Variants in MAPKAP1 observed in about 807,000 individuals in gnomAD.
MAPKAP1 encodes target of rapamycin complex 2 subunit MAPKAP1.
In MAPKAP1, 20 loss-of-function variants were observed where a neutral mutation model predicts 65.7. The ratio of observed to expected loss-of-function variants is 0.30; its 90% CI spans 0.21 to 0.44. MAPKAP1 has a LOEUF of 0.44. Ranked by LOEUF, MAPKAP1 falls within the 20% of genes least tolerant of loss-of-function variation. The pLI is 1.00. For synonymous variants in MAPKAP1, 222 were observed against 244.3 expected, an observed-to-expected ratio of 0.91 and a Z score of 0.85; for missense variants, 423 against 648.0, an observed-to-expected ratio of 0.65 and a Z score of 3.77.
chr9:125,679,573 G>A (rs908626115), intron 1 of MAPKAP1, among the ~76,000 whole-genome samples: 2 of 152,048 alleles, frequency 1.3e-5, no homozygotes, highest in South Asian at 2.1e-4. Flanking sequence ...CACAGAGGAA[G>A]GGTTTACTTT....
chr9:125,672,668 ATAT>A (rs1354989809), intron 1 of MAPKAP1, 25 bp from the exon 2 acceptor site: 6 of 1,375,996 alleles, frequency 4.4e-6, no homozygotes, highest in Non-Finnish European at 6.0e-6. Flanking sequence ...TACACAGCAA[ATAT>A]TTAAGAATAA....
chr9:125,514,758 A>G (rs1173531335), intron 7 of MAPKAP1, among the ~76,000 whole-genome samples: 1 of 152,172 alleles, frequency 6.6e-6, no homozygotes, highest in East Asian at 1.9e-4. Flanking sequence ...TTCTGGTGGC[A>G]CTGCTGACAA....
intron 1 of MAPKAP1, among the ~76,000 whole-genome samples, chr9:125,699,643 T>A (rs2131877429): frequency 6.6e-6 from 1 of 152,114 alleles, no homozygotes. Flanking sequence ...TTTGATTTTT[T>A]TTTTTTTTTG....
intron 3 of MAPKAP1, among the ~76,000 whole-genome samples, chr9:125,669,571 C>T (rs1834439413): frequency 6.6e-6 from 1 of 152,036 alleles, no homozygotes; most frequent in African/African-American, 2.4e-5. Flanking sequence ...GACATGACAG[C>T]TTGTAAAAAA....
chr9:125,677,925 T>C (rs1308972638), intron 1 of MAPKAP1, among the ~76,000 whole-genome samples: 1 of 152,134 alleles, frequency 6.6e-6, no homozygotes, highest in Non-Finnish European at 1.5e-5. Flanking sequence ...ACAATTTTTT[T>C]TTTCTTTTTG....
At chr9:125,442,503 C>G (rs920665551) in intron 11 of MAPKAP1, among the ~76,000 whole-genome samples, 3 of 149,454 alleles carry the variant, frequency 2.0e-5, no homozygotes, top group African/African-American at 7.5e-5. Context: ...TACTAGAATC[C>G]TTCTCAAGTC....
chr9:125,649,260 T>TA (rs977632549), intron 4 of MAPKAP1, among the ~76,000 whole-genome samples: 50 of 152,322 alleles, frequency 3.3e-4, no homozygotes, highest in African/African-American at 1.2e-3. Context: ...TCTAACCTGG[T>TA]AATTAGTCAG....
At chr9:125,613,839 C>G (rs988549990) in intron 4 of MAPKAP1, among the ~76,000 whole-genome samples, 6 of 151,804 alleles carry the variant, frequency 4.0e-5, no homozygotes, top group African/African-American at 1.5e-4. Context: ...GCTCTGTCAC[C>G]CAAGCTGGAG....
At chr9:125,615,922 A>G (rs903948716) in intron 4 of MAPKAP1, among the ~76,000 whole-genome samples, 5 of 152,134 alleles carry the variant, frequency 3.3e-5, no homozygotes, top group African/African-American at 1.2e-4. Flanking sequence ...TCAGAAAAAA[A>G]AAAAAAAGAA....
chr9:125,646,343 C>T (rs1468537850), intron 4 of MAPKAP1, among the ~76,000 whole-genome samples: 1 of 151,960 alleles, frequency 6.6e-6, no homozygotes, highest in Non-Finnish European at 1.5e-5. Flanking sequence ...AAACAAAAAA[C>T]TAATACAATG....
chr9:125,685,068 G>A (rs1271585163), intron 1 of MAPKAP1, among the ~76,000 whole-genome samples: 1 of 152,032 alleles, frequency 6.6e-6, no homozygotes. Flanking sequence ...CTAAGTGTTT[G>A]TTGATTTTAC....
chr9:125,616,278 G>A (rs376365770), intron 4 of MAPKAP1, among the ~76,000 whole-genome samples: 1 of 152,098 alleles, frequency 6.6e-6, no homozygotes. Flanking sequence ...AATACAATTT[G>A]GGAAAATAAC....
At chr9:125,695,976 CCT>C (rs1342335643) in intron 1 of MAPKAP1, among the ~76,000 whole-genome samples, 1 of 152,074 alleles carries the variant, frequency 6.6e-6, no homozygotes, top group African/African-American at 2.4e-5. Flanking sequence ...GATCCACCTG[CCT>C]CAGCCTCCCA....
chr9:125,561,725 A>G (rs924952502), intron 5 of MAPKAP1, among the ~76,000 whole-genome samples: 10 of 152,198 alleles, frequency 6.6e-5, no homozygotes, highest in African/African-American at 1.2e-4. Flanking sequence ...TTCCACTTCT[A>G]TAAAAAGGGT....
chr9:125,596,359 ATGG>A, intron 4 of MAPKAP1: 1 of 787,350 alleles, frequency 1.3e-6, no homozygotes, highest in Non-Finnish European at 2.3e-6. Flanking sequence ...GGTGGCAACC[ATGG>A]TGGTGGTGGA....
At position 125,543,082 on chromosome 9, in the gene MAPKAP1, C is replaced by T. The variant is rs752254273; in HGVS notation, c.935G>A (p.Arg312Lys). ...ACCTGAAACTTTCTGGGATCCTTTT[C>T]TTCGCTTCACTGCCTTCAGTAAGAT... ...KEILLKAVKR[R>K]KGSQKVSGPQ... The change falls in exon 7 of 12, where the codon AGA becomes AAA. Residue 312 changes from arginine (R) to lysine (K), a missense_variant. Arg to Lys is a conservative substitution (Grantham distance 26). Coordinates refer to ENST00000265960, the MANE Select transcript of MAPKAP1 (RefSeq NM_001006617.3). 1 of 1,613,408 alleles carries T rather than the reference C, an allele frequency of 6.2e-7. No individual in the cohort carries two copies. The highest frequency in any genetic ancestry group is 1.1e-5 in the South Asian group (1 of 91,066).
rs183825308 is a variant in MAPKAP1 at position 125,664,269 on chromosome 9, C to T, written c.349+5549G>A. 3.5e-3 allele frequency among the ~76,000 whole-genome samples: 533 copies of T among 150,616 alleles called. 5 individuals are homozygous for T. The highest frequency in any genetic ancestry group is 5.3e-3 in the Non-Finnish European group (357 of 67,616). On this transcript the variant is annotated intron_variant, in intron 3 of 11. Coordinates refer to ENST00000265960, the MANE Select transcript of MAPKAP1 (RefSeq NM_001006617.3). ...GACTGAGGCAGGAGAATCACTTGAA[C>T]CTTGGAGGCAAAGGTTGCAGTGAGC...
chr9:125,485,577 C>G (rs934683103), intron 8 of MAPKAP1, among the ~76,000 whole-genome samples: 4 of 152,208 alleles, frequency 2.6e-5, no homozygotes, highest in African/African-American at 9.7e-5. Context: ...TCAGACTGCA[C>G]AGTGCTTCAG....
At chr9:125,556,077 G>T (rs901889000) in intron 6 of MAPKAP1, among the ~76,000 whole-genome samples, 1 of 152,200 alleles carries the variant, frequency 6.6e-6, no homozygotes, top group Non-Finnish European at 1.5e-5. Flanking sequence ...AACAATAACA[G>T]CAGCTAACAC....
Sources: gnomAD v4.1 joint callset for allele counts (sites outside exome capture counted in the v4.1 genomes callset) on GRCh38, gnomAD v4.1.1 for gene constraint, MANE v1.5 for transcripts, NCBI Gene and HGNC (gene_info 2026-07-23, HGNC 2026-07-21) for gene names.